HERC4: variants seen among roughly 807,000 people sequenced by gnomAD.
HERC4 encodes the protein HECT and RLD domain containing E3 ubiquitin protein ligase 4, also known as probable E3 ubiquitin-protein ligase HERC4.
HERC4 carries 28 observed loss-of-function variants against 124.3 expected under a neutral mutation model. The ratio of observed to expected loss-of-function variants is 0.23; its 90% confidence interval spans 0.17 to 0.31. The LOEUF is 0.31. HERC4 is among the 10% of genes least tolerant of loss of function. The pLI, the probability that HERC4 is intolerant of heterozygous loss-of-function variation, is 1.00. For missense variants in HERC4, 713 were observed against 1,229.3 expected, an observed-to-expected ratio of 0.58 and a Z score of 6.28; for synonymous variants, 407 against 421.5, an observed-to-expected ratio of 0.97 and a Z score of 0.42.
chr10:67,973,203 A>T (rs140299294), intron 15 of HERC4, among the ~76,000 whole-genome samples: 53 of 120,900 alleles, frequency 4.4e-4, no homozygotes, highest in Middle Eastern at 5.1e-3. Flanking sequence ...GAAAACATTT[A>T]AAAAAAAAAG....
At chr10:68,035,420 T>A (rs1354285423) in intron 5 of HERC4, among the ~76,000 whole-genome samples, 5 of 152,154 alleles carry the variant, frequency 3.3e-5, no homozygotes, top group Admixed American at 3.3e-4. Flanking sequence ...CCTCCCAAAG[T>A]GCTAAGATTA....
intron 4 of HERC4, among the ~76,000 whole-genome samples, chr10:68,041,027 C>T (rs521935): frequency 0.46 from 69,492 of 151,876 alleles, 17,394 homozygotes; most frequent in East Asian, 0.85. Context: ...TAAAGCATAT[C>T]AATTATGGAA....
chr10:67,937,109 AAG>A (rs778545259), intron 21 of HERC4, among the ~76,000 whole-genome samples: 40 of 152,190 alleles, frequency 2.6e-4, no homozygotes, highest in South Asian at 6.2e-4. Context: ...AAAGATTAAG[AAG>A]AGAGTGAGAT....
intron 3 of HERC4, among the ~76,000 whole-genome samples, chr10:68,063,121 T>C (rs999720921): frequency 1.3e-5 from 2 of 149,920 alleles, no homozygotes; most frequent in Non-Finnish European, 3.0e-5. Context: ...TTTCTATTAT[T>C]TGTGCATTTG....
chr10:67,947,385 G>GAATT (rs2033449329), intron 19 of HERC4, among the ~76,000 whole-genome samples: 1 of 151,968 alleles, frequency 6.6e-6, no homozygotes, highest in East Asian at 1.9e-4. Context: ...TTGATAACAG[G>GAATT]GTCAATTCAT....
At chr10:68,069,912 C>G (rs1238357285) in intron 3 of HERC4, 2 of 382,056 alleles carry the variant, frequency 5.2e-6, no homozygotes, top group East Asian at 3.3e-4. Context: ...CATGGTGGCA[C>G]GCCCCTATAG....
chr10:67,925,542 A>C (rs2030810666), intron 23 of HERC4, among the ~76,000 whole-genome samples: 1 of 152,204 alleles, frequency 6.6e-6, no homozygotes, highest in African/African-American at 2.4e-5. Flanking sequence ...AACAGAAGTC[A>C]AACCATTACA....
At chr10:67,991,518 T>A (rs1192518343) in intron 11 of HERC4, among the ~76,000 whole-genome samples, 1 of 152,156 alleles carries the variant, frequency 6.6e-6, no homozygotes, top group Non-Finnish European at 1.5e-5. Flanking sequence ...TTTAAAAAAA[T>A]TTTAAACATT....
intron 22 of HERC4, among the ~76,000 whole-genome samples, chr10:67,934,419 C>T (rs1488393968): frequency 2.0e-5 from 3 of 152,156 alleles, no homozygotes; most frequent in African/African-American, 7.2e-5. Flanking sequence ...TCCTCTTGAT[C>T]TAACCCAAGT....
chr10:67,942,117 T>C (rs1479366426), intron 19 of HERC4, among the ~76,000 whole-genome samples: 1 of 152,188 alleles, frequency 6.6e-6, no homozygotes, highest in Non-Finnish European at 1.5e-5. Context: ...ATAAAAGTAA[T>C]ATGTATTTAC....
At chr10:67,988,926 G>T in intron 14 of HERC4, 91 bp from the exon 15 acceptor site, 1 of 1,003,392 alleles carries the variant, frequency 1.0e-6, no homozygotes, top group Non-Finnish European at 1.5e-6. Context: ...TGAAACAGTA[G>T]TTGTTAAACC....
intron 9 of HERC4, among the ~76,000 whole-genome samples, chr10:67,999,616 CAG>C (rs2037107476): frequency 6.6e-6 from 1 of 152,090 alleles, no homozygotes; most frequent in Non-Finnish European, 1.5e-5. Flanking sequence ...AGGTGAGAAA[CAG>C]ACATTTCATG....
At chr10:68,062,524 C>T (rs2133786109) in intron 3 of HERC4, among the ~76,000 whole-genome samples, 1 of 151,930 alleles carries the variant, frequency 6.6e-6, no homozygotes, top group East Asian at 1.9e-4. Flanking sequence ...GGAGCCAAGG[C>T]GGGCAGATCA....
At chr10:67,978,376 T>G (rs995898156) in intron 15 of HERC4, among the ~76,000 whole-genome samples, 2 of 152,216 alleles carry the variant, frequency 1.3e-5, no homozygotes, top group African/African-American at 2.4e-5. Flanking sequence ...GTCTGGGGTG[T>G]TCCTCTGCCT....
chr10:67,988,907 CTTTT>C (rs375088843), intron 14 of HERC4, 72 bp from the exon 15 acceptor site: 1 of 1,238,282 alleles, frequency 8.1e-7, no homozygotes, highest in Non-Finnish European at 1.2e-6. Flanking sequence ...ATCATACTGA[CTTTT>C]TTTCTGAAAC....
At chr10:67,929,400 T>A (rs528826210) in intron 23 of HERC4, among the ~76,000 whole-genome samples, 9 of 152,358 alleles carry the variant, frequency 5.9e-5, no homozygotes, top group African/African-American at 2.2e-4. Flanking sequence ...CTATTCACTA[T>A]AATTTTTTGT....
intron 15 of HERC4, among the ~76,000 whole-genome samples, chr10:67,977,076 G>A (rs943597453): frequency 1.4e-4 from 21 of 152,214 alleles, no homozygotes; most frequent in Admixed American, 6.5e-5. Context: ...AGCTGGGGCT[G>A]TTTAGGGACT....
intron 19 of HERC4, among the ~76,000 whole-genome samples, chr10:67,947,358 T>C (rs564250509): frequency 3.9e-5 from 6 of 152,256 alleles, no homozygotes; most frequent in East Asian, 1.9e-4. Context: ...TGATGCAAAA[T>C]TGATATGAGA....
At chr10:68,024,855 TAAG>T (rs1233888656) in intron 8 of HERC4, among the ~76,000 whole-genome samples, 1 of 152,190 alleles carries the variant, frequency 6.6e-6, no homozygotes. Flanking sequence ...TCCCAAGACC[TAAG>T]AATCAACAGA....
Sources: allele counts gnomAD v4.1 joint callset (sites outside exome capture counted in the v4.1 genomes callset), GRCh38; gene constraint gnomAD v4.1.1; transcripts MANE v1.5; gene names NCBI Gene and HGNC (gene_info 2026-07-23, HGNC 2026-07-21).